The following NPAT variants were observed in gnomAD, a reference collection of about 807,000 sequenced individuals.
NPAT encodes the protein protein NPAT.
A neutral mutation model predicts 130.7 loss-of-function variants in NPAT; 52 were observed. That is an observed-to-expected ratio of 0.40 (90% CI 0.32 to 0.50). The LOEUF (loss-of-function observed/expected upper bound fraction) is 0.50. Among genes scored for constraint, NPAT ranks in the 20% least tolerant of loss-of-function variants. NPAT has a pLI of 0.68. For missense variants in NPAT, 1,687 were observed against 1,662.6 expected (o/e 1.01, Z -0.26); for synonymous variants, 580 against 584.8 (o/e 0.99, Z 0.12).
At chr11:108,185,893 C>A (rs1280557580) in intron 8 of NPAT, among the ~76,000 whole-genome samples, 1 of 152,146 alleles carries the variant, frequency 6.6e-6, no homozygotes, top group Non-Finnish European at 1.5e-5. Flanking sequence ...CCATCACACC[C>A]AGCTAATTTT....
chr11:108,162,051 T>C (rs1287818208), intron 16 of NPAT, 37 bp from the exon 17 acceptor site: 3 of 1,611,692 alleles, frequency 1.9e-6, no homozygotes, highest in Non-Finnish European at 2.5e-6. Flanking sequence ...TCTAGCAGCA[T>C]AAAGAAATCC....
chr11:108,193,397 A>G (rs1253887977), intron 3 of NPAT, among the ~76,000 whole-genome samples: 2 of 152,182 alleles, frequency 1.3e-5, no homozygotes, highest in Admixed American at 6.5e-5. Context: ...TTGCTAACAT[A>G]AAGATTGTTG....
At chr11:108,172,086 T>G (rs745731369) in intron 13 of NPAT, 113 bp downstream of exon 13, 2 of 908,300 alleles carry the variant, frequency 2.2e-6, no homozygotes, top group South Asian at 2.8e-5. Flanking sequence ...TTTCAGAATC[T>G]TTTCTCATAC....
rs574459655 is a variant in NPAT at position 108,190,039 on chromosome 11, C to T, written c.331+421G>A. Among the ~76,000 whole-genome samples, 17 of 151,686 alleles carry T rather than the reference C, an allele frequency of 1.1e-4. No individual in the cohort carries two copies. The South Asian group carries it at 2.7e-3, about 24-fold the overall frequency. ...AGAAAAACGGTAGTTTGGCCAGGTG[C>T]GGTGGCTCACGCCTGTAATCCCAGC... is the stretch of plus-strand genomic sequence containing the variant. On this transcript the variant is annotated intron_variant, in intron 5 of 17. Transcript: ENST00000278612.
intron 1 of NPAT, among the ~76,000 whole-genome samples, chr11:108,209,804 G>A (rs2078365952): frequency 6.7e-6 from 1 of 149,982 alleles, no homozygotes; most frequent in Admixed American, 6.7e-5. Flanking sequence ...CAGGAGAATG[G>A]CATGAACCTG....
intron 1 of NPAT, among the ~76,000 whole-genome samples, chr11:108,211,790 A>T (rs1421097823): frequency 6.6e-6 from 1 of 152,176 alleles, no homozygotes; most frequent in African/African-American, 2.4e-5. Flanking sequence ...TCTCTGCAAA[A>T]AATTAAAAAT....
chr11:108,176,294 C>T lies in NPAT; in HGVS notation c.1084G>A (p.Asp362Asn), dbSNP rs767879280. The change falls in exon 12 of 18, where the codon GAT (aspartate) becomes AAT (asparagine). Residue 362 changes from aspartate to asparagine, a missense_variant. This residue lies in a region of NPAT where 1,379 missense variants were observed against 1,346.6 expected (regional missense o/e 1.02). Transcript: ENST00000278612. ...CCTTTAACTGCTAGATTAGTTTCAT[C>T]TGCTAAGACTATACTGGGATTGGAT... ...MESNPSIVLADETNLAVKGSF... is the reference protein window; with the variant it reads ...MESNPSIVLANETNLAVKGSF... The T allele has an allele frequency of 1.3e-6, 2 of 1,582,818 alleles. No homozygotes were observed. The highest frequency in any genetic ancestry group is 1.1e-5 in the South Asian group (1 of 90,388).
intron 1 of NPAT, among the ~76,000 whole-genome samples, chr11:108,213,741 A>C (rs1187089043): frequency 6.6e-6 from 1 of 152,244 alleles, no homozygotes; most frequent in East Asian, 1.9e-4. Context: ...TACACTTACC[A>C]ATTTCAAAAC....
At position 108,157,374 on chromosome 11, in the gene NPAT, G is replaced by C. The variant is rs1291664058; in HGVS notation, c.*1568C>G. 6.6e-6 allele frequency: 1 copy of C among 152,114 alleles called. No individual in the cohort carries two copies. The highest frequency in any genetic ancestry group is 1.5e-5 in the Non-Finnish European group (1 of 67,978). The allele number at this position is 152,114 out of a possible 1,614,324, so 9.4% of individuals were successfully genotyped here. A position where few individuals can be genotyped will look rare whatever the true frequency, so the allele number is the denominator to read the frequency against. On this transcript the variant is annotated 3_prime_UTR_variant, in exon 18 of 18. Coordinates refer to ENST00000278612, the MANE Select transcript of NPAT (RefSeq NM_002519.3). ...TCAGTTTCTAAACAAGACTGCCAAT[G>C]TAAAGTAATTCAAACTTTTGAAGTT...
chr11:108,218,453 T>C (rs2078454831), intron 1 of NPAT, among the ~76,000 whole-genome samples: 2 of 152,186 alleles, frequency 1.3e-5, no homozygotes, highest in African/African-American at 2.4e-5. Flanking sequence ...CCTAGAAAGA[T>C]TAGTAATTTA....
chr11:108,163,744 T>G (rs574313553), intron 15 of NPAT, among the ~76,000 whole-genome samples: 1 of 152,118 alleles, frequency 6.6e-6, no homozygotes, highest in Non-Finnish European at 1.5e-5. Context: ...TCAACAGTTA[T>G]AGAGAAAGCA....
intron 1 of NPAT, among the ~76,000 whole-genome samples, chr11:108,209,466 C>G (rs893429754): frequency 6.6e-6 from 1 of 151,924 alleles, no homozygotes; most frequent in East Asian, 1.9e-4. Flanking sequence ...TGCCTGTAGT[C>G]CCAGTAGTTC....
At chr11:108,198,077 A>G (rs1231348648) in intron 1 of NPAT, among the ~76,000 whole-genome samples, 1 of 152,210 alleles carries the variant, frequency 6.6e-6, no homozygotes, top group Admixed American at 6.5e-5. Flanking sequence ...ATGGGATATT[A>G]ATTTGCTCCC....
intron 4 of NPAT, among the ~76,000 whole-genome samples, chr11:108,191,817 T>C (rs927471169): frequency 5.3e-5 from 8 of 152,250 alleles, no homozygotes; most frequent in African/African-American, 1.9e-4. Flanking sequence ...CCTAAGGGAA[T>C]TCACAGTGGC....
rs771026472 is a variant in NPAT, at chr11:108,173,061, A to C, written c.1923T>G (p.Ser641=). ...CATTTTCTGTATGATTTAACTCAAC[A>C]GATGCTGAATCATTAGATGGTTGTT... is the stretch of plus-strand genomic sequence containing the variant. ...STKQPSNDSA[S]VELNHTENEA... The change falls in exon 13 of 18, where the codon TCT becomes TCG. Residue 641 remains serine (S), a synonymous_variant. Transcript: ENST00000278612. 1.4e-5 allele frequency: 22 copies of C among 1,613,954 alleles called. No homozygotes were observed. Among genetic ancestry groups the C allele is most frequent in the Non-Finnish European group, 1.9e-5 (22 of 1,179,996 alleles).
At chr11:108,193,447 T>C (rs993651449) in intron 3 of NPAT, among the ~76,000 whole-genome samples, 1 of 152,128 alleles carries the variant, frequency 6.6e-6, no homozygotes, top group Non-Finnish European at 1.5e-5. Flanking sequence ...AACAAATGGC[T>C]GGGGGCAGTG....
intron 1 of NPAT, among the ~76,000 whole-genome samples, chr11:108,205,503 A>T (rs956350758): frequency 5.3e-5 from 8 of 152,194 alleles, no homozygotes; most frequent in Admixed American, 3.9e-4. Flanking sequence ...CCTAGCCTCA[A>T]GCGATCCTCC....
At chr11:108,185,091 C>T (rs2078093318) in intron 10 of NPAT, 141 bp downstream of exon 10, 1 of 709,820 alleles carries the variant, frequency 1.4e-6, no homozygotes, top group Admixed American at 2.2e-5. Flanking sequence ...TTTTATCTTA[C>T]TATTGTAAAT....
At chr11:108,179,842 T>A (rs1477030569) in intron 10 of NPAT, among the ~76,000 whole-genome samples, 2 of 152,090 alleles carry the variant, frequency 1.3e-5, no homozygotes, top group African/African-American at 4.8e-5. Context: ...AAAAGCTTCA[T>A]GAGGTTAAAC....
Sources: gnomAD v4.1 joint callset for allele counts (sites outside exome capture counted in the v4.1 genomes callset) on GRCh38, gnomAD v4.1.1 for gene constraint, gnomAD v4.1.1 regional missense constraint, MANE v1.5 for transcripts, NCBI Gene and HGNC (gene_info 2026-07-23, HGNC 2026-07-21) for gene names.